The following GABRQ variants were observed in gnomAD, a reference collection of about 807,000 sequenced individuals.
The protein encoded by GABRQ is gamma-aminobutyric acid type A receptor subunit theta.
A neutral mutation model predicts 30.5 loss-of-function variants in GABRQ; 19 were observed. The ratio of observed to expected loss-of-function variants is 0.62; its 90% CI spans 0.43 to 0.91. GABRQ has a LOEUF of 0.91. Ranked by LOEUF, GABRQ falls within the 40% of genes least tolerant of loss-of-function variation. The pLI is 0.00. For missense variants in GABRQ, 520 were observed against 521.4 expected (o/e 1.00, Z 0.03); for synonymous variants, 187 against 210.2 (o/e 0.89, Z 0.95).
chrX:152,645,403 C>T (rs1930863790), intron 2 of GABRQ, 124 bp from the exon 3 acceptor site: 1 of 482,032 alleles, frequency 2.1e-6, no homozygotes, highest in Non-Finnish European at 3.7e-6. Flanking sequence ...GGTTAGGTGA[C>T]TTACTCAGGA....
intron 4 of GABRQ, among the ~76,000 whole-genome samples, chrX:152,648,604 G>A (rs895807919): frequency 9.1e-6 from 1 of 110,464 alleles, no homozygotes; most frequent in Non-Finnish European, 1.9e-5. Flanking sequence ...GACCTGATCC[G>A]CCTGCCTCGG....
In GABRQ at chrX:152,656,360, C is replaced by T. The variant is rs1370934083; in HGVS notation, c.*3079C>T. 9.0e-6 allele frequency: 1 copy of T among 111,558 alleles called. No homozygotes were observed. The highest frequency in any genetic ancestry group is 1.9e-5 in the Non-Finnish European group (1 of 53,093). The allele number at this position is 111,558 out of a possible 1,213,427, so 9.2% of individuals were successfully genotyped here. ...TTGGGCAGCATCTGGGATGCAACAA[C>T]CCCTATTTTACTCTTCTACCCACCT... On this transcript the variant is annotated 3_prime_UTR_variant, in exon 9 of 9. Transcript: ENST00000598523.
chrX:152,640,917 C>T (rs1030916021), intron 2 of GABRQ, among the ~76,000 whole-genome samples: 4 of 111,226 alleles, frequency 3.6e-5, no homozygotes, highest in African/African-American at 1.3e-4. Flanking sequence ...GTCTAGTGTA[C>T]TTAACCCACC....
In GABRQ at chrX:152,652,758, A is replaced by G. The variant is rs1931058294; in HGVS notation, c.1376A>G (p.Gln459Arg). 1 of 1,210,527 alleles carries G rather than the reference A, an allele frequency of 8.3e-7. No individual in the cohort carries two copies. The highest frequency in any genetic ancestry group is 2.2e-5 in the Admixed American group (1 of 46,015). ...SLSDLPSTSE[Q>R]ARHSYGVRFN... The stretch of plus-strand genomic sequence containing the variant: ...AGCGATCTCCCCTCCACCTCAGAGC[A>G]GGCCCGGCACAGCTATGGTGTTCGC... Residue 459 changes from glutamine to arginine, a missense_variant, in exon 9 of 9, where the codon CAG becomes CGG. Physicochemically the swap from Gln to Arg is conservative, Grantham distance 43 (BLOSUM62 1). Transcript: ENST00000598523.
In GABRQ at chrX:152,646,385, A is replaced by G. The variant is rs182967486; in HGVS notation, c.307-563A>G. On this transcript the variant is annotated intron_variant, in intron 3 of 8. Transcript: ENST00000598523. The stretch of plus-strand genomic sequence containing the variant: ...ACTTCTACTTCATCATTTTTATTTC[A>G]TCATGGTTTTGGTATGCATGTTCAT... 4.9e-3 allele frequency among the ~76,000 whole-genome samples: 551 copies of G among 112,387 alleles called. 3 individuals carry two copies. Among genetic ancestry groups the G allele is most frequent in the South Asian group, 0.046 (124 of 2,714 alleles).
chrX:152,647,902 C>T (rs782402974), intron 4 of GABRQ, among the ~76,000 whole-genome samples: 89 of 112,138 alleles, frequency 7.9e-4, no homozygotes, highest in African/African-American at 2.9e-3. Flanking sequence ...GGGTTTGGCT[C>T]TTACGGTTTT....
rs1556817749 is a variant in GABRQ, at chrX:152,638,309, TCTC to T, written c.111_113del (p.Ser38del). ...CCCATCCCGAAATTCCACTTCGAGT[TCTC>T]CTCTGCTGTGCCCGAAGTCGTCCTG... On this transcript the variant is annotated inframe_deletion, in exon 1 of 9. Transcript: ENST00000598523. 9 of 1,210,427 alleles carry T rather than the reference TCTC, an allele frequency of 7.4e-6. No individual in the cohort carries two copies. The highest frequency in any genetic ancestry group is 5.9e-5 in the East Asian group (2 of 33,741).
rs1383744711 is a variant in GABRQ, at chrX:152,652,636, G to A, written c.1254G>A (p.Thr418=). The part of the protein sequence containing the change: ...LASPESLGSL[T]STSEQAQLAT... ...GCCCGGAAAGCCTCGGTTCTTTGACGTCCACCTCCGAGCAGGCCCAGCTGG... is the reference window on the plus strand; with the variant it reads ...GCCCGGAAAGCCTCGGTTCTTTGACATCCACCTCCGAGCAGGCCCAGCTGG... The change falls in exon 9 of 9, where the codon ACG becomes ACA. Residue 418 remains threonine, a synonymous_variant. Transcript: ENST00000598523. 3 of 1,210,708 alleles carry A rather than the reference G, an allele frequency of 2.5e-6. No individual in the cohort carries two copies. Among genetic ancestry groups the A allele is most frequent in the Non-Finnish European group, 1.1e-6 (1 of 894,834 alleles).
At chrX:152,641,865 C>T (rs976370564) in intron 2 of GABRQ, among the ~76,000 whole-genome samples, 17 of 112,138 alleles carry the variant, frequency 1.5e-4, no homozygotes, top group Non-Finnish European at 3.0e-4. Flanking sequence ...GTAGCTACTT[C>T]GTTTTTTTGT....
At chrX:152,646,791 A>G (rs1930896616) in intron 3 of GABRQ, among the ~76,000 whole-genome samples, 157 bp from the exon 4 acceptor site, 1 of 111,536 alleles carries the variant, frequency 9.0e-6, no homozygotes, top group East Asian at 2.8e-4. Flanking sequence ...TCTTTCTTTA[A>G]ACCTCCGTAT....
At chrX:152,640,549 G>A in intron 2 of GABRQ, 83 bp downstream of exon 2, 1 of 600,499 alleles carries the variant, frequency 1.7e-6, no homozygotes, top group South Asian at 2.2e-5. Flanking sequence ...CCTGTAAGCT[G>A]ACCAGTGGTA....
At position 152,649,182 on chromosome X, in the gene GABRQ, GT is replaced by G. The variant is rs1458684103; in HGVS notation, c.528-66del. On this transcript the variant is annotated intron_variant, in intron 4 of 8. Transcript: ENST00000598523. ...TAACTCTTCCCTCCCCACCCCTGCA[GT>G]TTCCTCAGCAATGGTTGTTTGCCTA... 1.6e-5 allele frequency: 11 copies of G among 701,264 alleles called. No individual in the cohort carries two copies. In the Admixed American group the frequency reaches 2.4e-4, roughly 16 times the overall value. 57.8% of individuals were successfully genotyped at this position (701,264 alleles called of 1,213,427 possible).
chrX:152,657,824 A>G (rs1215168038), downstream of GABRQ, among the ~76,000 whole-genome samples: 6 of 112,559 alleles, frequency 5.3e-5, no homozygotes, highest in Admixed American at 9.4e-5. Context: ...GCCAAAATAC[A>G]AGGTAGAAGT....
chrX:152,645,053 A>G (rs1930853621), intron 2 of GABRQ, among the ~76,000 whole-genome samples: 1 of 111,686 alleles, frequency 9.0e-6, no homozygotes, highest in South Asian at 3.8e-4. Context: ...TGAACACACA[A>G]ATTCACTCAC....
Position 152,649,259 on chromosome X carries a change from C to G in GABRQ, c.536C>G (p.Thr179Ser). 3 of 1,185,071 alleles carry G rather than the reference C, an allele frequency of 2.5e-6. No individual in the cohort carries two copies. Among genetic ancestry groups the G allele is most frequent in the Non-Finnish European group, 3.4e-6 (3 of 871,159 alleles). ...GTVRYGIRLTTTAACSLDLHK... is the reference protein window; with the variant it reads ...GTVRYGIRLTSTAACSLDLHK... The stretch of plus-strand genomic sequence containing the variant: ...TTTGTTTTCCTTTGCAGACTCACCA[C>G]TACAGCAGCTTGTTCCCTGGATCTG... The change falls in exon 5 of 9, where the codon ACT becomes AGT. Residue 179 changes from threonine to serine, a missense_variant. Coordinates refer to ENST00000598523, the MANE Select transcript of GABRQ (RefSeq NM_018558.4).
intron 3 of GABRQ, among the ~76,000 whole-genome samples, chrX:152,646,291 T>C (rs1255055210): frequency 8.9e-6 from 1 of 112,338 alleles, no homozygotes; most frequent in Non-Finnish European, 1.9e-5. Flanking sequence ...CCAATGTTGG[T>C]GAAGCCAAAG....
Position 152,652,088 on chromosome X carries a change from T to C in GABRQ, c.1158+306T>C, listed in dbSNP as rs146836744. ...CAGGCAATGAAGCTGGAAGGGAAGA[T>C]GGGCGCAGGGAGACTGAAAGGAAGA... On this transcript the variant is annotated intron_variant, in intron 8 of 8. Coordinates refer to ENST00000598523, the MANE Select transcript of GABRQ (RefSeq NM_018558.4). 1.2e-4 allele frequency among the ~76,000 whole-genome samples: 13 copies of C among 112,582 alleles called. No homozygotes were observed. The East Asian group carries it at 2.8e-3, about 24-fold the overall frequency.
In GABRQ at chrX:152,655,758, A is replaced by T. The variant is rs1400031934; in HGVS notation, c.*2477A>T. On this transcript the variant is annotated 3_prime_UTR_variant, in exon 9 of 9. Coordinates refer to ENST00000598523, the MANE Select transcript of GABRQ (RefSeq NM_018558.4). ...TTGGTTGACGTGGATTTGGGTCTCC[A>T]GCACCCTGGAGGTGCTTTCAACCCT... The T allele has an allele frequency of 8.9e-6, 1 of 111,851 alleles. No individual in the cohort carries two copies. The allele number at this position is 111,851 out of a possible 1,213,427, so 9.2% of individuals were successfully genotyped here.
Position 152,648,371 on chromosome X carries a change from T to A in GABRQ, c.528-880T>A, listed in dbSNP as rs1240636734. Among the ~76,000 whole-genome samples the A allele has an allele frequency of 7.5e-3, 659 of 87,805 alleles. 3 individuals are homozygous for A. The highest frequency in any genetic ancestry group is 0.022 in the African/African-American group (600 of 27,392). The allele number at this position is 87,805 out of a possible 115,157, so 76.2% of individuals were successfully genotyped here. ...TCTTCTTTTTTTTATTTTTATTTTT[T>A]TTTTTTTGAGATGGAGTCTCACTCT... On this transcript the variant is annotated intron_variant, in intron 4 of 8. Transcript: ENST00000598523.
Sources: gnomAD v4.1 joint callset for allele counts (sites outside exome capture counted in the v4.1 genomes callset) on GRCh38, gnomAD v4.1.1 for gene constraint, MANE v1.5 for transcripts, NCBI Gene and HGNC (gene_info 2026-07-23, HGNC 2026-07-21) for gene names.